The following KCNH8 variants were observed in gnomAD, a reference collection of about 807,000 sequenced individuals.
KCNH8 encodes voltage-gated delayed rectifier potassium channel KCNH8.
KCNH8 carries 70 observed loss-of-function variants against 103.6 expected under a neutral mutation model. The ratio of observed to expected loss-of-function variants is 0.68; its 90% CI spans 0.56 to 0.82. KCNH8 has a LOEUF of 0.82. Among genes scored for constraint, KCNH8 ranks in the 40% least tolerant of loss-of-function variants. The probability of loss-of-function intolerance (pLI) is 0.00; values close to 1 mark genes in which losing one functional copy is unlikely to be tolerated. For synonymous variants in KCNH8, 498 were observed against 489.4 expected (o/e 1.02, Z -0.23); for missense variants, 1,217 against 1,329.9 (o/e 0.92, Z 1.32).
chr3:19,363,895 T>A (rs1345816911), intron 5 of KCNH8, among the ~76,000 whole-genome samples: 1 of 152,150 alleles, frequency 6.6e-6, no homozygotes, highest in South Asian at 2.1e-4. Flanking sequence ...TGGCTAAAAT[T>A]AAAGATACTG....
At chr3:19,265,336 A>T (rs1292621176) in intron 2 of KCNH8, among the ~76,000 whole-genome samples, 1 of 152,090 alleles carries the variant, frequency 6.6e-6, no homozygotes, top group Non-Finnish European at 1.5e-5. Context: ...CTTTGTTAAA[A>T]AGTTGCTAAA....
intron 3 of KCNH8, among the ~76,000 whole-genome samples, chr3:19,336,639 A>C: frequency 6.6e-6 from 1 of 151,932 alleles, no homozygotes; most frequent in East Asian, 1.9e-4. Context: ...TCTGAGACAG[A>C]TGAAGTTACT....
intron 5 of KCNH8, among the ~76,000 whole-genome samples, chr3:19,367,440 T>C (rs1021816828): frequency 3.1e-4 from 45 of 147,414 alleles, no homozygotes; most frequent in African/African-American, 1.1e-3. Flanking sequence ...TATCATAATA[T>C]ATATATATCA....
At chr3:19,435,143 T>C (rs2125169206) in intron 7 of KCNH8, among the ~76,000 whole-genome samples, 1 of 152,264 alleles carries the variant, frequency 6.6e-6, no homozygotes, top group Non-Finnish European at 1.5e-5. Context: ...AAACATCATG[T>C]TGTATACCAT....
At chr3:19,269,762 C>T (rs913509057) in intron 2 of KCNH8, among the ~76,000 whole-genome samples, 1 of 152,130 alleles carries the variant, frequency 6.6e-6, no homozygotes, top group Non-Finnish European at 1.5e-5. Flanking sequence ...TCATGGATTT[C>T]AAAGTAAAAG....
At chr3:19,418,258 A>G (rs2066892770) in intron 7 of KCNH8, among the ~76,000 whole-genome samples, 1 of 152,232 alleles carries the variant, frequency 6.6e-6, no homozygotes, top group African/African-American at 2.4e-5. Flanking sequence ...TTTAATGAAT[A>G]GCTGAATTTG....
At chr3:19,383,507 G>C (rs2125126249) in intron 5 of KCNH8, among the ~76,000 whole-genome samples, 1 of 151,940 alleles carries the variant, frequency 6.6e-6, no homozygotes, top group East Asian at 1.9e-4. Flanking sequence ...AAGTAGCTGG[G>C]ACTACAGGCG....
chr3:19,210,613 GT>G (rs1460949317), intron 1 of KCNH8, among the ~76,000 whole-genome samples: 4 of 151,904 alleles, frequency 2.6e-5, no homozygotes, highest in Non-Finnish European at 5.9e-5. Flanking sequence ...CTGAAATTCT[GT>G]TGTGGAGGGT....
chr3:19,365,124 C>G (rs2065994024), intron 5 of KCNH8, among the ~76,000 whole-genome samples: 1 of 152,024 alleles, frequency 6.6e-6, no homozygotes, highest in African/African-American at 2.4e-5. Context: ...TTACTGTAAG[C>G]AAAATCATAC....
intron 1 of KCNH8, among the ~76,000 whole-genome samples, chr3:19,226,560 C>CTT (rs2125235204): frequency 6.6e-6 from 1 of 151,962 alleles, no homozygotes; most frequent in African/African-American, 2.4e-5. Flanking sequence ...CCATCTCTCT[C>CTT]TCTCTCTCTG....
chr3:19,375,144 C>T (rs1286324221), intron 5 of KCNH8, among the ~76,000 whole-genome samples: 8 of 151,736 alleles, frequency 5.3e-5, no homozygotes, highest in African/African-American at 7.3e-5. Flanking sequence ...TGAATCTGAA[C>T]GTTGGCCTGC....
chr3:19,480,823 CATGCCAAAAAA>C (rs1233648712), intron 11 of KCNH8, among the ~76,000 whole-genome samples: 1 of 152,112 alleles, frequency 6.6e-6, no homozygotes, highest in East Asian at 1.9e-4. Context: ...TCTGGTTCTT[CATGCCAAAAAA>C]ACAATTATCT....
rs191114866 is a variant in KCNH8, at chr3:19,168,969, C to T, written c.76+20174C>T. Among the ~76,000 whole-genome samples, 117 of 152,302 alleles carry T rather than the reference C, an allele frequency of 7.7e-4. No homozygotes were observed. In the South Asian group the frequency reaches 0.013, roughly 17 times the overall value. On this transcript the variant is annotated intron_variant, in intron 1 of 15. Transcript: ENST00000328405. Reference sequence around the variant, plus strand: ...CTGACTTTCCTCCTCACCATCCCTCCGCCAACAGGAGCAAGTCTGGGATCA... The same window carrying T: ...CTGACTTTCCTCCTCACCATCCCTCTGCCAACAGGAGCAAGTCTGGGATCA...
intron 3 of KCNH8, among the ~76,000 whole-genome samples, chr3:19,298,134 C>T (rs530720658): frequency 7.9e-5 from 12 of 152,140 alleles, no homozygotes; most frequent in Non-Finnish European, 1.6e-4. Context: ...TAAACAGGGA[C>T]GGCAAAAAAG....
rs1469468672 is a variant in KCNH8 at position 19,478,559 on chromosome 3, T to C, written c.2040+21577T>C. ...TTGAAAGACACACACAAACAAAAAT[T>C]AGAATTACATTTTAATTACATTTGG... On this transcript the variant is annotated intron_variant, in intron 11 of 15. Coordinates refer to ENST00000328405, the MANE Select transcript of KCNH8 (RefSeq NM_144633.3). Among the ~76,000 whole-genome samples, 3 of 152,204 alleles carry C rather than the reference T, an allele frequency of 2.0e-5. No individual in the cohort carries two copies. In the East Asian group the frequency reaches 5.8e-4, roughly 29 times the overall value.
intron 2 of KCNH8, among the ~76,000 whole-genome samples, chr3:19,276,504 A>G (rs2064674585): frequency 6.6e-6 from 1 of 152,128 alleles, no homozygotes; most frequent in African/African-American, 2.4e-5. Context: ...AAATGTGTCC[A>G]TATCTCACTT....
chr3:19,508,759 A>G (rs1469711632), intron 11 of KCNH8, among the ~76,000 whole-genome samples: 4 of 152,138 alleles, frequency 2.6e-5, no homozygotes, highest in Admixed American at 6.5e-5. Flanking sequence ...CTGCATTTTA[A>G]TGAGATCCCT....
chr3:19,426,972 A>G (rs1346055665), intron 7 of KCNH8, among the ~76,000 whole-genome samples: 1 of 151,826 alleles, frequency 6.6e-6, no homozygotes, highest in Non-Finnish European at 1.5e-5. Context: ...CATGGTTTTG[A>G]TTAATAAAAT....
chr3:19,154,739 T>C (rs1448880285), intron 1 of KCNH8, among the ~76,000 whole-genome samples: 1 of 152,224 alleles, frequency 6.6e-6, no homozygotes, highest in Non-Finnish European at 1.5e-5. Flanking sequence ...GGTTTACCCC[T>C]GTATTATTCT....
Sources: gnomAD v4.1 joint callset for allele counts (sites outside exome capture counted in the v4.1 genomes callset) on GRCh38, gnomAD v4.1.1 for gene constraint, MANE v1.5 for transcripts, NCBI Gene and HGNC (gene_info 2026-07-23, HGNC 2026-07-21) for gene names.